Variants in ALKBH8 observed in about 807,000 individuals in gnomAD.
ALKBH8 encodes the protein tRNA (carboxymethyluridine(34)-5-O)-methyltransferase ALKBH8.
A neutral mutation model predicts 59.8 loss-of-function variants in ALKBH8; 36 were observed. The observed-to-expected ratio is 0.60, with a 90% CI of 0.46 to 0.79. The LOEUF (loss-of-function observed/expected upper bound fraction) is 0.79, where lower values mean the gene tolerates loss of function less well. ALKBH8 is among the 30% of genes least tolerant of loss of function. The pLI, the probability that ALKBH8 is intolerant of heterozygous loss-of-function variation, is 0.00. For synonymous variants in ALKBH8, 276 were observed against 273.6 expected (o/e 1.01, Z -0.09); for missense variants, 768 against 801.0 (o/e 0.96, Z 0.50).
At chr11:107,528,479 T>G (rs1863443904) in intron 8 of ALKBH8, among the ~76,000 whole-genome samples, 1 of 152,230 alleles carries the variant, frequency 6.6e-6, no homozygotes, top group Admixed American at 6.5e-5. Flanking sequence ...AAATTTACAT[T>G]ACTTTTGTTC....
Position 107,525,550 on chromosome 11 carries a change from ACT to A in ALKBH8, c.919_920del (p.Leu308Ter). ...CACTGGTGATAATTCCACTTTTAAG[ACT>A]CTCAGATGCTTGAACAGTATCAAAT... is the stretch of plus-strand genomic sequence containing the variant. ...RKFDTVQASE[S>X]LKSGIITSDV... On this transcript the variant is annotated frameshift_variant, in exon 9 of 12. Coordinates refer to ENST00000428149, the MANE Select transcript of ALKBH8 (RefSeq NM_138775.3). LOFTEE classifies it high-confidence loss of function. The A allele has an allele frequency of 1.3e-6, 2 of 1,525,030 alleles. No homozygotes were observed. The highest frequency in any genetic ancestry group is 1.8e-6 in the Non-Finnish European group (2 of 1,136,978). 94.5% of individuals were successfully genotyped at this position (1,525,030 alleles called of 1,614,324 possible).
intron 6 of ALKBH8, among the ~76,000 whole-genome samples, chr11:107,550,924 G>A (rs1864463975): frequency 6.6e-6 from 1 of 151,982 alleles, no homozygotes; most frequent in African/African-American, 2.4e-5. Flanking sequence ...GAACTTCCCA[G>A]CCTCTACACT....
intron 1 of ALKBH8, 73 bp downstream of exon 1, chr11:107,565,528 A>C: frequency 6.5e-7 from 1 of 1,532,890 alleles, no homozygotes; most frequent in South Asian, 1.2e-5. Flanking sequence ...CGGATAGAGA[A>C]GACCGGAAGA....
intron 10 of ALKBH8, among the ~76,000 whole-genome samples, chr11:107,518,017 T>C (rs1352332940): frequency 2.0e-5 from 3 of 152,184 alleles, no homozygotes; most frequent in Admixed American, 1.3e-4. Context: ...TCATATACAA[T>C]AAATACACAT....
intron 11 of ALKBH8, among the ~76,000 whole-genome samples, chr11:107,509,623 G>C (rs887334124): frequency 6.6e-6 from 1 of 152,058 alleles, no homozygotes; most frequent in Non-Finnish European, 1.5e-5. Context: ...GAATTTTATA[G>C]TTTTAGCTCT....
At chr11:107,531,060 T>G (rs1364084220) in intron 8 of ALKBH8, among the ~76,000 whole-genome samples, 7 of 152,154 alleles carry the variant, frequency 4.6e-5, no homozygotes, top group Admixed American at 3.3e-4. Flanking sequence ...CTGAAATTAA[T>G]GGATCACATC....
At chr11:107,508,401 G>A (rs1400755420) in intron 11 of ALKBH8, among the ~76,000 whole-genome samples, 1 of 152,158 alleles carries the variant, frequency 6.6e-6, no homozygotes, top group East Asian at 1.9e-4. Flanking sequence ...TCAGACTCCT[G>A]ACCTCAAGTG....
At chr11:107,514,572 A>G (rs1026109614) in intron 10 of ALKBH8, among the ~76,000 whole-genome samples, 2 of 152,186 alleles carry the variant, frequency 1.3e-5, no homozygotes, top group Admixed American at 1.3e-4. Context: ...TGCTCCCTTT[A>G]CCTGTGTAAG....
chr11:107,562,414 A>C (rs1864974694), intron 1 of ALKBH8, among the ~76,000 whole-genome samples: 1 of 152,168 alleles, frequency 6.6e-6, no homozygotes, highest in Non-Finnish European at 1.5e-5. Context: ...GAAAGTATTC[A>C]GTGAGGCAGT....
At chr11:107,506,952 G>C (rs1012910406) in intron 11 of ALKBH8, among the ~76,000 whole-genome samples, 1 of 151,824 alleles carries the variant, frequency 6.6e-6, no homozygotes, top group African/African-American at 2.4e-5. Flanking sequence ...TGCAATAAAG[G>C]GCAGAAGGGG....
chr11:107,539,909 C>T (rs905426021), intron 7 of ALKBH8, among the ~76,000 whole-genome samples: 2 of 152,104 alleles, frequency 1.3e-5, no homozygotes, highest in African/African-American at 2.4e-5. Context: ...CTGAAGCCAG[C>T]GGCAATTTCA....
intron 1 of ALKBH8, among the ~76,000 whole-genome samples, chr11:107,561,914 G>A (rs931486644): frequency 3.3e-5 from 5 of 152,148 alleles, no homozygotes; most frequent in Non-Finnish European, 7.4e-5. Context: ...CTTAGTTGTG[G>A]AAAACAAACA....
At chr11:107,542,082 C>T (rs1161858038) in intron 7 of ALKBH8, among the ~76,000 whole-genome samples, 1 of 151,690 alleles carries the variant, frequency 6.6e-6, no homozygotes, top group Non-Finnish European at 1.5e-5. Context: ...ACACAGAAGA[C>T]AGGATAAGTA....
chr11:107,554,129 T>C, intron 3 of ALKBH8, 151 bp from the exon 4 acceptor site: 1 of 930,106 alleles, frequency 1.1e-6, no homozygotes, highest in Non-Finnish European at 1.6e-6. Context: ...ATATTAAAAG[T>C]GCAGAAACAA....
intron 9 of ALKBH8, among the ~76,000 whole-genome samples, chr11:107,522,946 T>C (rs890111615): frequency 6.6e-6 from 1 of 152,048 alleles, no homozygotes; most frequent in Non-Finnish European, 1.5e-5. Context: ...AACAGGGGAC[T>C]ACCTGCCTTC....
chr11:107,519,202 C>G (rs1245162959), intron 10 of ALKBH8, among the ~76,000 whole-genome samples: 1 of 152,010 alleles, frequency 6.6e-6, no homozygotes, highest in Non-Finnish European at 1.5e-5. Flanking sequence ...GCCTCCCAGG[C>G]TCAAGTGATT....
At chr11:107,550,274 T>C (rs889275911) in intron 6 of ALKBH8, among the ~76,000 whole-genome samples, 1 of 152,194 alleles carries the variant, frequency 6.6e-6, no homozygotes, top group African/African-American at 2.4e-5. Context: ...TCAGCACCTC[T>C]TAAGTAAAAG....
chr11:107,516,847 A>G lies in ALKBH8; in HGVS notation c.1287+5452T>C, dbSNP rs12273938. 7.9e-3 allele frequency among the ~76,000 whole-genome samples: 1,197 copies of G among 152,238 alleles called. 8 individuals are homozygous for G. Among genetic ancestry groups the G allele is most frequent in the African/African-American group, 0.027 (1,104 of 41,542 alleles). On this transcript the variant is annotated intron_variant, in intron 10 of 11. Coordinates refer to ENST00000428149, the MANE Select transcript of ALKBH8 (RefSeq NM_138775.3). Reference sequence around the variant, plus strand: ...TTGAGACCAGCCTGGGCAACATGGCAAAACCTCATCTCTACAAAAAATACA... The same window carrying G: ...TTGAGACCAGCCTGGGCAACATGGCGAAACCTCATCTCTACAAAAAATACA...
intron 10 of ALKBH8, among the ~76,000 whole-genome samples, chr11:107,520,732 A>G (rs1014254136): frequency 2.0e-5 from 3 of 152,220 alleles, no homozygotes; most frequent in African/African-American, 7.2e-5. Context: ...TAAACATGGT[A>G]ACAATATATG....
Sources: allele counts gnomAD v4.1 joint callset (sites outside exome capture counted in the v4.1 genomes callset), GRCh38; gene constraint gnomAD v4.1.1; transcripts MANE v1.5; gene names NCBI Gene and HGNC (gene_info 2026-07-23, HGNC 2026-07-21).